MELK: variants seen among roughly 807,000 people sequenced by gnomAD.
MELK encodes the protein maternal embryonic leucine zipper kinase.
MELK carries 81 observed loss-of-function variants against 85.0 expected under a neutral mutation model. The ratio of observed to expected loss-of-function variants is 0.95; its 90% CI spans 0.80 to 1.15. The LOEUF (loss-of-function observed/expected upper bound fraction) is 1.15, where lower values mean the gene tolerates loss of function less well. Ranked by LOEUF, MELK falls within the 50% of genes most tolerant of loss-of-function variation. The pLI is 0.00. For synonymous variants in MELK, 252 were observed against 265.0 expected, an observed-to-expected ratio of 0.95 and a Z score of 0.48; for missense variants, 754 against 777.5, an observed-to-expected ratio of 0.97 and a Z score of 0.36.
Position 36,627,084 on chromosome 9 carries a change from A to ACG in MELK, c.667-3214_667-3213insGC, listed in dbSNP as rs1554725963. 6.5e-4 allele frequency among the ~76,000 whole-genome samples: 98 copies of ACG among 151,622 alleles called. 1 individual carries two copies. The highest frequency in any genetic ancestry group is 1.7e-3 in the South Asian group (8 of 4,772). Reference sequence around the variant, plus strand: ...CACACACACACACACACACACACACACACACGCCAACTGTAAATGAATGCG... The same window carrying ACG: ...CACACACACACACACACACACACACACGCACACGCCAACTGTAAATGAATGCG... On this transcript the variant is annotated intron_variant, in intron 8 of 17. Coordinates refer to ENST00000298048, the MANE Select transcript of MELK (RefSeq NM_014791.4).
intron 7 of MELK, among the ~76,000 whole-genome samples, chr9:36,602,271 T>C (rs1365142838): frequency 6.6e-6 from 1 of 151,828 alleles, no homozygotes; most frequent in Non-Finnish European, 1.5e-5. Context: ...GGTGGGCGGA[T>C]CATGAGGTTA....
intron 8 of MELK, among the ~76,000 whole-genome samples, chr9:36,615,000 C>A (rs1826452581): frequency 6.8e-6 from 1 of 147,536 alleles, no homozygotes; most frequent in South Asian, 2.2e-4. Context: ...CTCCTCACTT[C>A]CCAGTAGGGG....
intron 8 of MELK, among the ~76,000 whole-genome samples, chr9:36,623,797 A>G (rs1348873705): frequency 1.3e-5 from 2 of 152,250 alleles, no homozygotes; most frequent in Admixed American, 1.3e-4. Flanking sequence ...CTTTTTGAAT[A>G]TTCCTATCTC....
chr9:36,610,917 T>C (rs1167946752), intron 8 of MELK, among the ~76,000 whole-genome samples: 1 of 152,186 alleles, frequency 6.6e-6, no homozygotes, highest in African/African-American at 2.4e-5. Flanking sequence ...ATAATTGTAT[T>C]CTAGTATAGG....
At chr9:36,613,262 C>T (rs976053354) in intron 8 of MELK, among the ~76,000 whole-genome samples, 2 of 152,238 alleles carry the variant, frequency 1.3e-5, no homozygotes, top group African/African-American at 2.4e-5. Context: ...CAAATGTTCT[C>T]TAATCAGAAA....
At chr9:36,651,938 C>G in intron 12 of MELK, 61 bp downstream of exon 12, 1 of 1,419,996 alleles carries the variant, frequency 7.0e-7, no homozygotes, top group South Asian at 1.8e-5. Context: ...GTGTGTATAC[C>G]ACTGGGAAGG....
intron 8 of MELK, among the ~76,000 whole-genome samples, chr9:36,609,447 CTTTTTT>C (rs58390406): frequency 7.5e-6 from 1 of 132,748 alleles, no homozygotes; most frequent in African/African-American, 2.8e-5. Context: ...CTTTCTTCTT[CTTTTTT>C]TTTTTTTTTT....
At chr9:36,665,025 C>G (rs1335964135) in intron 13 of MELK, among the ~76,000 whole-genome samples, 1 of 152,008 alleles carries the variant, frequency 6.6e-6, no homozygotes. Context: ...TGGTACATGT[C>G]AGAGGCAAGC....
At chr9:36,632,619 G>C (rs920831232) in intron 9 of MELK, among the ~76,000 whole-genome samples, 1 of 152,026 alleles carries the variant, frequency 6.6e-6, no homozygotes. Context: ...CCAAAATAAC[G>C]TTAATCTTTG....
chr9:36,668,759 C>T (rs1281538583), intron 14 of MELK, among the ~76,000 whole-genome samples: 2 of 151,954 alleles, frequency 1.3e-5, no homozygotes, highest in Admixed American at 6.6e-5. Flanking sequence ...ATGATCCGCC[C>T]TCCTCGGCCT....
chr9:36,655,958 A>C (rs552951612), intron 12 of MELK, among the ~76,000 whole-genome samples: 2 of 152,320 alleles, frequency 1.3e-5, no homozygotes, highest in Admixed American at 1.3e-4. Flanking sequence ...AAAGGATGAG[A>C]TATAAGAAAT....
intron 14 of MELK, among the ~76,000 whole-genome samples, chr9:36,666,259 T>C (rs982637777): frequency 1.3e-5 from 2 of 152,208 alleles, no homozygotes; most frequent in African/African-American, 4.8e-5. Context: ...AGACTGCCTC[T>C]TAGAATACAG....
intron 4 of MELK, among the ~76,000 whole-genome samples, chr9:36,593,390 A>G (rs1823840840): frequency 6.6e-6 from 1 of 152,088 alleles, no homozygotes; most frequent in African/African-American, 2.4e-5. Context: ...GCCTTTATAC[A>G]GGAGGCTTTA....
At chr9:36,667,551 G>C (rs866990845) in intron 14 of MELK, among the ~76,000 whole-genome samples, 8 of 152,290 alleles carry the variant, frequency 5.3e-5, no homozygotes, top group Middle Eastern at 3.4e-3. Flanking sequence ...TTTGCAATAT[G>C]GGTAGTTTGG....
At chr9:36,661,665 G>A (rs191803374) in intron 13 of MELK, among the ~76,000 whole-genome samples, 26 of 152,020 alleles carry the variant, frequency 1.7e-4, no homozygotes, top group Admixed American at 7.2e-4. Flanking sequence ...GGCCGGGCGC[G>A]GTGGCTCACG....
intron 16 of MELK, among the ~76,000 whole-genome samples, chr9:36,674,176 TAA>T: frequency 6.6e-6 from 1 of 152,308 alleles, no homozygotes; most frequent in South Asian, 2.1e-4. Flanking sequence ...CAGGACCCAC[TAA>T]AACAGTGCCT....
intron 7 of MELK, among the ~76,000 whole-genome samples, chr9:36,600,844 A>T (rs895092582): frequency 6.6e-6 from 1 of 152,214 alleles, no homozygotes; most frequent in South Asian, 2.1e-4. Flanking sequence ...ATACCAGGTT[A>T]CTTCATAAAA....
At chr9:36,630,524 G>A (rs1587496963) in intron 9 of MELK, among the ~76,000 whole-genome samples, 157 bp downstream of exon 9, 1 of 151,002 alleles carries the variant, frequency 6.6e-6, no homozygotes, top group East Asian at 2.0e-4. Context: ...TAATTATGTT[G>A]TAAACCTAGT....
intron 1 of MELK, among the ~76,000 whole-genome samples, chr9:36,577,734 C>G (rs540886798): frequency 2.5e-4 from 38 of 152,190 alleles, no homozygotes; most frequent in South Asian, 8.3e-4. Flanking sequence ...TCACCGCAAC[C>G]TCTGCTTCCC....
Sources: allele counts gnomAD v4.1 joint callset (sites outside exome capture counted in the v4.1 genomes callset), GRCh38; gene constraint gnomAD v4.1.1; transcripts MANE v1.5; gene names NCBI Gene and HGNC (gene_info 2026-07-23, HGNC 2026-07-21).